The following FTCDNL1 variants were observed in gnomAD, a reference collection of about 807,000 sequenced individuals.
FTCDNL1 encodes the protein formiminotransferase N-terminal subdomain-containing protein.
FTCDNL1 carries 11 observed loss-of-function variants against 5.9 expected under a neutral mutation model. The observed-to-expected ratio is 1.87, with a 90% CI of 1.18 to 3.10. FTCDNL1 has a LOEUF of 3.10. Ranked by LOEUF, FTCDNL1 falls within the 30% of genes most tolerant of loss-of-function variation. The probability of loss-of-function intolerance (pLI) is 0.00; values close to 1 mark genes in which losing one functional copy is unlikely to be tolerated. For missense variants in FTCDNL1, 115 were observed against 65.5 expected (o/e 1.76, Z -2.61); for synonymous variants, 58 against 24.8 (o/e 2.34, Z -3.99).
At chr2:199,755,806 T>C (rs1161542416), downstream of FTCDNL1, among the ~76,000 whole-genome samples, 1 of 152,206 alleles carries the variant, frequency 6.6e-6, no homozygotes, top group South Asian at 2.1e-4. Context: ...TGATAATACA[T>C]GTTTGCTGCG....
intron 3 of FTCDNL1, among the ~76,000 whole-genome samples, chr2:199,822,306 A>C (rs780894678): frequency 4.6e-5 from 7 of 152,140 alleles, no homozygotes; most frequent in Non-Finnish European, 8.8e-5. Flanking sequence ...GAAAAGGGTG[A>C]GGTGGGAGGA....
Position 199,760,686 on chromosome 2 carries a change from A to T in FTCDNL1, c.*127T>A. The T allele has an allele frequency of 6.3e-6, 4 of 634,096 alleles. No homozygotes were observed. The East Asian group carries it at 8.3e-5, about 13-fold the overall frequency. The allele number at this position is 634,096 out of a possible 1,614,324, so 39.3% of individuals were successfully genotyped here. A position where few individuals can be genotyped will look rare whatever the true frequency, so the allele number is the denominator to read the frequency against. Reference sequence around the variant, plus strand: ...AATTCTGGGTATGGTATAATTTTCCATCTTTTTAAAAAGAATTAAATGGTA... The same window carrying T: ...AATTCTGGGTATGGTATAATTTTCCTTCTTTTTAAAAAGAATTAAATGGTA... On this transcript the variant is annotated 3_prime_UTR_variant, in exon 4 of 4. Coordinates refer to the FTCDNL1 transcript ENST00000416668.
intron 4 of FTCDNL1, among the ~76,000 whole-genome samples, chr2:199,815,854 T>C (rs1263032413): frequency 1.3e-5 from 2 of 151,810 alleles, no homozygotes; most frequent in African/African-American, 4.8e-5. Context: ...CAAAAAATTA[T>C]CCATGCATGG....
At chr2:199,819,540 A>G (rs1234623378) in intron 4 of FTCDNL1, 32 bp downstream of exon 4, 2 of 687,760 alleles carry the variant, frequency 2.9e-6, no homozygotes, top group African/African-American at 3.6e-5. Context: ...AAAAAAAAAA[A>G]AACAGAGCAA....
In FTCDNL1 at chr2:199,812,510, T is replaced by C. The variant is rs1342054546; in HGVS notation, c.*195A>G. On this transcript the variant is annotated 3_prime_UTR_variant, in exon 5 of 5. Transcript: ENST00000420128. ...GATAATTAATCCCAGCAAATCGTAT[T>C]TCTAGTTAAATGTCATATAATTAAA... 2.3e-6 allele frequency: 1 copy of C among 439,842 alleles called. No individual in the cohort carries two copies. Among genetic ancestry groups the C allele is most frequent in the East Asian group, 3.4e-5 (1 of 29,268 alleles). The allele number at this position is 439,842 out of a possible 1,614,324, so 27.2% of individuals were successfully genotyped here.
the FTCDNL1 span, among the ~76,000 whole-genome samples, chr2:199,735,304 A>C: frequency 6.6e-6 from 1 of 152,142 alleles, no homozygotes; most frequent in Non-Finnish European, 1.5e-5. Context: ...AAGGAAGAAG[A>C]AACTCTTTCC....
intron 3 of FTCDNL1, among the ~76,000 whole-genome samples, chr2:199,843,161 G>C (rs2076636916): frequency 6.6e-6 from 1 of 152,130 alleles, no homozygotes; most frequent in Non-Finnish European, 1.5e-5. Context: ...AATTAGAAAT[G>C]TCCATGTTTA....
At chr2:199,794,962 G>A (rs1700102583) in intron 3 of FTCDNL1, among the ~76,000 whole-genome samples, 2 of 152,290 alleles carry the variant, frequency 1.3e-5, no homozygotes, top group South Asian at 4.2e-4. Context: ...CTCTTGAAGA[G>A]GCAACAACAT....
chr2:199,692,640 T>G, the FTCDNL1 span, among the ~76,000 whole-genome samples: 2 of 152,208 alleles, frequency 1.3e-5, no homozygotes, highest in Non-Finnish European at 2.9e-5. Flanking sequence ...CACAACCTAC[T>G]AATAAGCACC....
the FTCDNL1 span, among the ~76,000 whole-genome samples, chr2:199,680,855 C>T: frequency 6.6e-6 from 1 of 152,278 alleles, no homozygotes; most frequent in Admixed American, 6.5e-5. Context: ...ACAATGTTCC[C>T]CCTTGCCGCC....
At chr2:199,728,472 T>C in the FTCDNL1 span, among the ~76,000 whole-genome samples, 2 of 152,022 alleles carry the variant, frequency 1.3e-5, no homozygotes, top group Non-Finnish European at 2.9e-5. Flanking sequence ...ATGGTCTCGA[T>C]CTCCTGACCT....
chr2:199,705,004 C>T, the FTCDNL1 span, among the ~76,000 whole-genome samples: 512 of 152,320 alleles, frequency 3.4e-3, 3 homozygotes, highest in African/African-American at 0.012. Flanking sequence ...TCTGCTAGGA[C>T]ATCCTGCTCA....
At chr2:199,847,292 G>C (rs1435982491) in intron 2 of FTCDNL1, among the ~76,000 whole-genome samples, 1 of 151,312 alleles carries the variant, frequency 6.6e-6, no homozygotes, top group African/African-American at 2.4e-5. Flanking sequence ...AAAAAAAAAA[G>C]GTTCATTTTC....
chr2:199,722,481 T>G, the FTCDNL1 span, among the ~76,000 whole-genome samples: 1 of 152,160 alleles, frequency 6.6e-6, no homozygotes, highest in Non-Finnish European at 1.5e-5. Context: ...GTTCCATTGG[T>G]CTGTCTGTTT....
At chr2:199,715,490 C>G in the FTCDNL1 span, among the ~76,000 whole-genome samples, 1 of 152,172 alleles carries the variant, frequency 6.6e-6, no homozygotes, top group Non-Finnish European at 1.5e-5. Flanking sequence ...TAAGATGTGC[C>G]TTTGGTCCTC....
the FTCDNL1 span, among the ~76,000 whole-genome samples, chr2:199,680,573 C>T: frequency 6.6e-6 from 1 of 152,128 alleles, no homozygotes; most frequent in Non-Finnish European, 1.5e-5. Flanking sequence ...TAAATTTAGA[C>T]TCATTGCTCC....
Position 199,848,468 on chromosome 2 carries a change from A to G in FTCDNL1, c.115+380T>C, listed in dbSNP as rs191684503. Reference sequence around the variant, plus strand: ...TCATTTAATCTGCTCAATAAAAAGCATAAGGTACGATTATGCTCATTCTAT... The same window carrying G: ...TCATTTAATCTGCTCAATAAAAAGCGTAAGGTACGATTATGCTCATTCTAT... On this transcript the variant is annotated intron_variant, in intron 2 of 4. Transcript: ENST00000420128. Among the ~76,000 whole-genome samples the G allele has an allele frequency of 1.1e-4, 17 of 152,382 alleles. No homozygotes were observed. In the East Asian group the frequency reaches 3.1e-3, roughly 28 times the overall value.
intron 3 of FTCDNL1, among the ~76,000 whole-genome samples, chr2:199,835,834 T>C (rs1302885168): frequency 6.6e-6 from 1 of 152,226 alleles, no homozygotes; most frequent in East Asian, 1.9e-4. Context: ...CTGAGTGTTG[T>C]AGATATCTAC....
At chr2:199,749,726 C>T in the FTCDNL1 span, among the ~76,000 whole-genome samples, 4 of 152,148 alleles carry the variant, frequency 2.6e-5, no homozygotes, top group African/African-American at 7.2e-5. Flanking sequence ...GAGCTGCCTA[C>T]GGGCACCCAG....
Sources: allele counts gnomAD v4.1 joint callset (sites outside exome capture counted in the v4.1 genomes callset), GRCh38; gene constraint gnomAD v4.1.1; transcripts MANE v1.5; gene names NCBI Gene and HGNC (gene_info 2026-07-23, HGNC 2026-07-21).